FRS2: variants seen among roughly 807,000 people sequenced by gnomAD.
FRS2 encodes fibroblast growth factor receptor substrate 2.
Under a neutral mutation model 43.9 loss-of-function variants are expected in FRS2, and 8 were observed. The observed-to-expected ratio is 0.18, with a 90% CI of 0.11 to 0.33. The LOEUF (loss-of-function observed/expected upper bound fraction) is 0.33, where lower values mean the gene tolerates loss of function less well. Among genes scored for constraint, FRS2 ranks in the 10% least tolerant of loss-of-function variants. The pLI is 1.00. For synonymous variants in FRS2, 219 were observed against 220.3 expected (o/e 0.99, Z 0.05); for missense variants, 534 against 627.6 (o/e 0.85, Z 1.59).
intron 1 of FRS2, among the ~76,000 whole-genome samples, chr12:69,511,831 A>T (rs955419678): frequency 2.0e-5 from 3 of 152,248 alleles, no homozygotes; most frequent in Non-Finnish European, 2.9e-5. Flanking sequence ...TAAATGAACA[A>T]TGTATGTAAC....
At chr12:69,485,526 A>G (rs2120833303) in intron 1 of FRS2, among the ~76,000 whole-genome samples, 1 of 151,754 alleles carries the variant, frequency 6.6e-6, no homozygotes, top group Middle Eastern at 3.4e-3. Context: ...CTTGTCACCC[A>G]GGCTGGAGTG....
In FRS2 at chr12:69,536,462, A is replaced by C. The variant is rs373512268; in HGVS notation, c.-122+4406A>C. ...TTAGTTTTTCATGTATTTTGATTGG[A>C]GTTTTGTAAATAGAATAAGGTTGAG... is the stretch of plus-strand genomic sequence containing the variant. On this transcript the variant is annotated intron_variant, in intron 3 of 8. Transcript: ENST00000549921. Among the ~76,000 whole-genome samples, 533 of 150,874 alleles carry C rather than the reference A, an allele frequency of 3.5e-3. 3 individuals are homozygous for C. Among genetic ancestry groups the C allele is most frequent in the African/African-American group, 0.012 (513 of 41,162 alleles).
Position 69,566,984 on chromosome 12 carries a change from A to G in FRS2, c.-26-2021A>G, listed in dbSNP as rs181796761. Among the ~76,000 whole-genome samples the G allele has an allele frequency of 4.2e-3, 632 of 152,226 alleles. 6 individuals carry two copies. Among genetic ancestry groups the G allele is most frequent in the African/African-American group, 0.015 (614 of 41,548 alleles). On this transcript the variant is annotated intron_variant, in intron 4 of 8. Transcript: ENST00000549921. ...ACACTTCATGACTTTTGTCTGTCTCAGGTGCTTATTTCTCTTTATTTTGCT... is the reference window on the plus strand; with the variant it reads ...ACACTTCATGACTTTTGTCTGTCTCGGGTGCTTATTTCTCTTTATTTTGCT...
rs1341419488 is a variant in FRS2 at position 69,518,736 on chromosome 12, C to A, written c.-260-12129C>A. Among the ~76,000 whole-genome samples, 4 of 148,878 alleles carry A rather than the reference C, an allele frequency of 2.7e-5. No individual in the cohort carries two copies. In the East Asian group the frequency reaches 8.0e-4, roughly 30 times the overall value. On this transcript the variant is annotated intron_variant, in intron 1 of 8. Coordinates refer to ENST00000549921, the MANE Select transcript of FRS2 (RefSeq NM_001278356.2). ...CTTAAAAAAAAAAAAAGTTGTAGGC[C>A]AGGCACAGTGGCTCATGCCTGTAAT...
At chr12:69,544,651 G>A (rs1878206753) in intron 3 of FRS2, among the ~76,000 whole-genome samples, 1 of 151,970 alleles carries the variant, frequency 6.6e-6, no homozygotes, top group Non-Finnish European at 1.5e-5. Flanking sequence ...GGGTTGCAGT[G>A]AGCCGAGATC....
At chr12:69,506,459 G>A (rs1873935964) in intron 1 of FRS2, among the ~76,000 whole-genome samples, 1 of 152,064 alleles carries the variant, frequency 6.6e-6, no homozygotes, top group African/African-American at 2.4e-5. Context: ...AATTTGGGAA[G>A]TACTGATATG....
At chr12:69,568,577 C>T (rs1349717214) in intron 4 of FRS2, among the ~76,000 whole-genome samples, 7 of 151,280 alleles carry the variant, frequency 4.6e-5, no homozygotes, top group African/African-American at 1.7e-4. Context: ...CTCTCTCTGT[C>T]TCTCTCTCTC....
At chr12:69,572,320 T>C (rs1247421517) in intron 8 of FRS2, 39 bp downstream of exon 8, 1 of 1,524,526 alleles carries the variant, frequency 6.6e-7, no homozygotes, top group Admixed American at 1.7e-5. Flanking sequence ...TAATGATTGT[T>C]CAGAGTTAGG....
At position 69,477,327 on chromosome 12, in the gene FRS2, T is replaced by C. The variant is rs776695686; in HGVS notation, c.-261+6797T>C. Among the ~76,000 whole-genome samples, 87 of 150,638 alleles carry C rather than the reference T, an allele frequency of 5.8e-4. 1 individual carries two copies. Among genetic ancestry groups the C allele is most frequent in the African/African-American group, 1.6e-3 (64 of 41,054 alleles). On this transcript the variant is annotated intron_variant, in intron 1 of 8. Coordinates refer to ENST00000549921, the MANE Select transcript of FRS2 (RefSeq NM_001278356.2). ...ACGGAGTCTCGCTGTGTCCCCCAGGTTGGAGTGCAGTGGCGCGATCTCAGC... is the reference window on the plus strand; with the variant it reads ...ACGGAGTCTCGCTGTGTCCCCCAGGCTGGAGTGCAGTGGCGCGATCTCAGC...
At chr12:69,476,535 TA>T in intron 1 of FRS2, among the ~76,000 whole-genome samples, 1 of 152,156 alleles carries the variant, frequency 6.6e-6, no homozygotes, top group East Asian at 1.9e-4. Flanking sequence ...ATACAGCAAG[TA>T]AACCTTGTAC....
rs148206904 is a variant in FRS2, at chr12:69,564,343, A to G, written c.-27+2069A>G. Among the ~76,000 whole-genome samples the G allele has an allele frequency of 9.4e-4, 143 of 151,938 alleles. 1 individual carries two copies. The highest frequency in any genetic ancestry group is 3.3e-3 in the African/African-American group (137 of 41,434). On this transcript the variant is annotated intron_variant, in intron 4 of 8. Coordinates refer to ENST00000549921, the MANE Select transcript of FRS2 (RefSeq NM_001278356.2). Reference sequence around the variant, plus strand: ...TCAACCACAGACCAGTCTTCATACTATCCTTGAGCCAGTGTTCAAGAGCTT... The same window carrying G: ...TCAACCACAGACCAGTCTTCATACTGTCCTTGAGCCAGTGTTCAAGAGCTT...
At chr12:69,542,076 A>G (rs891683650) in intron 3 of FRS2, among the ~76,000 whole-genome samples, 2 of 152,288 alleles carry the variant, frequency 1.3e-5, no homozygotes, top group South Asian at 4.2e-4. Context: ...TATCAGGGCC[A>G]TATATTAAGA....
At chr12:69,541,479 A>G (rs1296443793) in intron 3 of FRS2, among the ~76,000 whole-genome samples, 1 of 152,152 alleles carries the variant, frequency 6.6e-6, no homozygotes, top group Non-Finnish European at 1.5e-5. Context: ...TAAAGAATAT[A>G]GCATTAATAT....
intron 3 of FRS2, among the ~76,000 whole-genome samples, chr12:69,552,302 CAAAAAAAAAA>C (rs35353764): frequency 9.7e-5 from 5 of 51,362 alleles, no homozygotes; most frequent in Non-Finnish European, 1.3e-4. Context: ...AACTCCGTCT[CAAAAAAAAAA>C]AAAAAAAAAA....
chr12:69,572,050 G>T, intron 7 of FRS2, 68 bp from the exon 8 acceptor site: 1 of 1,226,766 alleles, frequency 8.2e-7, no homozygotes, highest in South Asian at 1.4e-5. Context: ...GTACAGATTC[G>T]ATTCTTACTC....
intron 1 of FRS2, among the ~76,000 whole-genome samples, chr12:69,474,426 G>A (rs200615800): frequency 2.0e-5 from 3 of 149,200 alleles, no homozygotes; most frequent in Non-Finnish European, 3.0e-5. Context: ...AGAGGGGAAA[G>A]AAAAAAAAAA....
intron 2 of FRS2, among the ~76,000 whole-genome samples, chr12:69,531,335 G>GA (rs11380565): frequency 0.4 from 55,533 of 140,558 alleles, 10,760 homozygotes; most frequent in South Asian, 0.58. Flanking sequence ...GTCTCAAAAA[G>GA]AAAAAAAAAA....
Position 69,574,742 on chromosome 12 carries a change from G to C in FRS2, c.1314G>C (p.Gln438His). The C allele has an allele frequency of 6.2e-7, 1 of 1,614,158 alleles. No homozygotes were observed. Among genetic ancestry groups the C allele is most frequent in the Non-Finnish European group, 8.5e-7 (1 of 1,180,028 alleles). Residue 438 changes from glutamine (Q) to histidine (H), a missense_variant, in exon 9 of 9, where the codon CAG becomes CAC. Physicochemically the swap from Gln to His is conservative, Grantham distance 24 (BLOSUM62 0). This residue lies in a region of FRS2 where 446 missense variants were observed against 494.2 expected (regional missense o/e 0.90). Coordinates refer to ENST00000549921, the MANE Select transcript of FRS2 (RefSeq NM_001278356.2). ...SLEHRQLNYI[Q>H]VDLEGGSDSD... ...AACACAGGCAGCTTAATTACATACAGGTTGACTTGGAAGGTGGCAGTGACT... is the reference window on the plus strand; with the variant it reads ...AACACAGGCAGCTTAATTACATACACGTTGACTTGGAAGGTGGCAGTGACT...
At chr12:69,542,112 A>G in intron 3 of FRS2, among the ~76,000 whole-genome samples, 1 of 152,204 alleles carries the variant, frequency 6.6e-6, no homozygotes, top group South Asian at 2.1e-4. Context: ...ACAACCAGAT[A>G]TAGGTGGCGG....
Sources: gnomAD v4.1 joint callset for allele counts (sites outside exome capture counted in the v4.1 genomes callset) on GRCh38, gnomAD v4.1.1 for gene constraint, gnomAD v4.1.1 regional missense constraint, MANE v1.5 for transcripts, NCBI Gene and HGNC (gene_info 2026-07-23, HGNC 2026-07-21) for gene names.